THSD4: variants seen among roughly 807,000 people sequenced by gnomAD.
The protein encoded by THSD4 is thrombospondin type 1 domain containing 4.
A neutral mutation model predicts 119.0 loss-of-function variants in THSD4; 69 were observed. That is an observed-to-expected ratio of 0.58 (90% CI 0.48 to 0.71). THSD4 has a LOEUF of 0.71. THSD4 is among the 30% of genes least tolerant of loss of function. The probability of loss-of-function intolerance (pLI) is 0.00; values close to 1 mark genes in which losing one functional copy is unlikely to be tolerated. For missense variants in THSD4, 1,393 were observed against 1,391.1 expected, an observed-to-expected ratio of 1.00 and a Z score of -0.02; for synonymous variants, 524 against 540.4, an observed-to-expected ratio of 0.97 and a Z score of 0.42.
In THSD4 at chr15:71,409,935, G is replaced by A. The variant is rs912276813; in HGVS notation, c.1016-1752G>A. On this transcript the variant is annotated intron_variant, in intron 6 of 17. Transcript: ENST00000261862. The stretch of plus-strand genomic sequence containing the variant: ...CATACAGTGTGTACTTATCTTGTCT[G>A]TTTCTTTTGGATATAGAAATATATC... Among the ~76,000 whole-genome samples, 4 of 149,982 alleles carry A rather than the reference G, an allele frequency of 2.7e-5. No individual in the cohort carries two copies. In the East Asian group the frequency reaches 7.8e-4, roughly 29 times the overall value.
At chr15:71,415,013 A>G (rs528904734) in intron 7 of THSD4, among the ~76,000 whole-genome samples, 39 of 152,322 alleles carry the variant, frequency 2.6e-4, no homozygotes, top group Non-Finnish European at 5.0e-4. Flanking sequence ...TTTTCTAAAT[A>G]TTTGATTGGA....
At position 71,695,843 on chromosome 15, in the gene THSD4, C is replaced by T. The variant is rs186938820; in HGVS notation, c.1358-32706C>T. 3.2e-3 allele frequency among the ~76,000 whole-genome samples: 486 copies of T among 151,910 alleles called. 2 individuals carry two copies. Among genetic ancestry groups the T allele is most frequent in the African/African-American group, 0.011 (469 of 41,210 alleles). On this transcript the variant is annotated intron_variant, in intron 8 of 17. Coordinates refer to ENST00000261862, the MANE Select transcript of THSD4 (RefSeq NM_024817.3). ...TTAGCCTGTCTGAGCCTCTGCTTCC[C>T]ATCTATACAATGAAGCTAATAATGC...
intron 7 of THSD4, among the ~76,000 whole-genome samples, chr15:71,537,385 C>G (rs374199488): frequency 1.3e-5 from 2 of 152,128 alleles, no homozygotes; most frequent in African/African-American, 4.8e-5. Flanking sequence ...GCAACATGGC[C>G]CCTCCCTTTG....
intron 6 of THSD4, among the ~76,000 whole-genome samples, chr15:71,331,816 C>T (rs985149234): frequency 6.7e-6 from 1 of 148,572 alleles, no homozygotes; most frequent in African/African-American, 2.5e-5. Context: ...TTCCTTGCCC[C>T]CCCCTCCCCA....
intron 16 of THSD4, chr15:71,767,587 T>C (rs2053735832): frequency 6.6e-6 from 1 of 152,198 alleles, no homozygotes; most frequent in South Asian, 2.1e-4. Context: ...TAGGAGAAAG[T>C]AGATACAGAT....
intron 8 of THSD4, among the ~76,000 whole-genome samples, chr15:71,684,850 A>C (rs2051873979): frequency 6.6e-6 from 1 of 152,138 alleles, no homozygotes; most frequent in African/African-American, 2.4e-5. Flanking sequence ...ACTCACCAAT[A>C]AAAAACATCT....
intron 1 of THSD4, among the ~76,000 whole-genome samples, chr15:71,133,071 T>G (rs543821433): frequency 6.6e-6 from 1 of 152,264 alleles, no homozygotes; most frequent in African/African-American, 2.4e-5. Flanking sequence ...GCCGTGGTAG[T>G]CTGATGTTTT....
At chr15:71,272,100 AC>A (rs1042606039) in intron 6 of THSD4, among the ~76,000 whole-genome samples, 1 of 151,996 alleles carries the variant, frequency 6.6e-6, no homozygotes, top group Non-Finnish European at 1.5e-5. Context: ...CAAGAAAACA[AC>A]TCTTAAAAAT....
intron 7 of THSD4, among the ~76,000 whole-genome samples, chr15:71,562,568 G>A (rs1055452841): frequency 3.3e-5 from 5 of 151,634 alleles, no homozygotes; most frequent in African/African-American, 9.7e-5. Flanking sequence ...TCCTGGAAGT[G>A]TAGCAGAAAA....
chr15:71,522,709 A>T (rs1328810218), intron 7 of THSD4, among the ~76,000 whole-genome samples: 1 of 152,200 alleles, frequency 6.6e-6, no homozygotes, highest in Non-Finnish European at 1.5e-5. Context: ...ATCTTCCTTG[A>T]CTTTCTGTGT....
intron 7 of THSD4, among the ~76,000 whole-genome samples, chr15:71,588,110 T>G (rs1164364389): frequency 3.3e-5 from 5 of 151,790 alleles, no homozygotes; most frequent in Admixed American, 6.6e-5. Context: ...ATCGAGACCA[T>G]CCTGGCTAAC....
intron 3 of THSD4, among the ~76,000 whole-genome samples, chr15:71,193,947 A>G (rs1334916676): frequency 6.6e-6 from 1 of 152,058 alleles, no homozygotes; most frequent in Non-Finnish European, 1.5e-5. Context: ...TCCTGACCCC[A>G]TGATCTGCCC....
intron 7 of THSD4, among the ~76,000 whole-genome samples, chr15:71,438,649 A>T (rs2047047967): frequency 6.6e-6 from 1 of 152,062 alleles, no homozygotes. Context: ...CACTATTTTG[A>T]GGCTCCCTCT....
chr15:71,446,878 A>G (rs1430574124), intron 7 of THSD4, among the ~76,000 whole-genome samples: 2 of 152,166 alleles, frequency 1.3e-5, no homozygotes, highest in African/African-American at 4.8e-5. Context: ...AGTCAGGGAC[A>G]TGTTTCTAGA....
chr15:71,156,653 T>C (rs2040780863), intron 3 of THSD4, among the ~76,000 whole-genome samples: 1 of 152,162 alleles, frequency 6.6e-6, no homozygotes, highest in African/African-American at 2.4e-5. Context: ...ATGACCCTTC[T>C]TGGGAGCAGT....
intron 3 of THSD4, among the ~76,000 whole-genome samples, chr15:71,164,145 C>T (rs1596233977): frequency 6.7e-6 from 1 of 149,646 alleles, no homozygotes; most frequent in African/African-American, 2.5e-5. Flanking sequence ...CTTAACTTTA[C>T]CCTCATTATG....
chr15:71,471,644 C>T (rs1176667810), intron 7 of THSD4, among the ~76,000 whole-genome samples: 1 of 151,214 alleles, frequency 6.6e-6, no homozygotes, highest in Non-Finnish European at 1.5e-5. Context: ...TGCCTGGCTC[C>T]ACTTCCTGGC....
At chr15:71,642,236 T>C (rs2050872480) in intron 7 of THSD4, among the ~76,000 whole-genome samples, 1 of 152,204 alleles carries the variant, frequency 6.6e-6, no homozygotes, top group African/African-American at 2.4e-5. Flanking sequence ...TGAAGGTGTG[T>C]TAAAAGTTAA....
chr15:71,388,523 G>A (rs2046322603), intron 6 of THSD4, among the ~76,000 whole-genome samples: 1 of 152,134 alleles, frequency 6.6e-6, no homozygotes, highest in South Asian at 2.1e-4. Flanking sequence ...AGCTTTAGAT[G>A]AAGGGGGGAA....
Sources: allele counts gnomAD v4.1 joint callset (sites outside exome capture counted in the v4.1 genomes callset), GRCh38; gene constraint gnomAD v4.1.1; transcripts MANE v1.5; gene names NCBI Gene and HGNC (gene_info 2026-07-23, HGNC 2026-07-21).